Variants in CEP89 observed in about 807,000 individuals in gnomAD.
CEP89 encodes the protein centrosomal protein of 89 kDa.
Under a neutral mutation model 97.6 loss-of-function variants are expected in CEP89, and 95 were observed. The observed-to-expected ratio is 0.97, with a 90% CI of 0.82 to 1.15. CEP89 has a LOEUF of 1.15. CEP89 is among the 50% of genes most tolerant of loss of function. The probability of loss-of-function intolerance (pLI) is 0.00; values close to 1 mark genes in which losing one functional copy is unlikely to be tolerated. For synonymous variants in CEP89, 354 were observed against 349.1 expected (o/e 1.01, Z -0.16); for missense variants, 869 against 947.7 (o/e 0.92, Z 1.09).
intron 14 of CEP89, among the ~76,000 whole-genome samples, chr19:32,911,611 C>T (rs1265872013): frequency 6.6e-6 from 1 of 152,158 alleles, no homozygotes; most frequent in African/African-American, 2.4e-5. Context: ...AAGATCGTAC[C>T]ACTGCACTTC....
chr19:32,942,428 G>A (rs1481340511), intron 5 of CEP89, among the ~76,000 whole-genome samples: 6 of 152,168 alleles, frequency 3.9e-5, no homozygotes, highest in Non-Finnish European at 8.8e-5. Flanking sequence ...GAGATGCATA[G>A]GTGGACAAGT....
chr19:32,906,218 A>C (rs1236931571), intron 14 of CEP89, among the ~76,000 whole-genome samples: 1 of 152,186 alleles, frequency 6.6e-6, no homozygotes, highest in African/African-American at 2.4e-5. Context: ...GTTTGGCTTT[A>C]AATCTAACAT....
At chr19:32,948,812 C>G (rs1444894316) in intron 4 of CEP89, among the ~76,000 whole-genome samples, 1 of 152,182 alleles carries the variant, frequency 6.6e-6, no homozygotes, top group African/African-American at 2.4e-5. Context: ...GCAGCCTTGA[C>G]TTCCCACGTG....
intron 16 of CEP89, among the ~76,000 whole-genome samples, chr19:32,889,866 G>A (rs1162314816): frequency 1.3e-5 from 2 of 152,162 alleles, no homozygotes; most frequent in Non-Finnish European, 2.9e-5. Context: ...CCATGTCCCG[G>A]TGAGGAAGGC....
chr19:32,931,577 G>GA lies in CEP89; in HGVS notation c.887-7dup. 12 of 1,568,344 alleles carry GA rather than the reference G, an allele frequency of 7.7e-6. No homozygotes were observed. Among genetic ancestry groups the GA allele is most frequent in the Admixed American group, 4.4e-5 (2 of 45,594 alleles). On this transcript the variant is annotated splice_polypyrimidine_tract_variant and splice_region_variant and intron_variant, in intron 8 of 18. Transcript: ENST00000305768. ...AAGTAATTCAGGTGCAGCAACTAGGGAAAAAAATTTAATATTATACTATAA... is the reference window on the plus strand; with the variant it reads ...AAGTAATTCAGGTGCAGCAACTAGGGAAAAAAAATTTAATATTATACTATAA...
At position 32,881,975 on chromosome 19, in the gene CEP89, G is replaced by C; in HGVS notation, c.2004C>G (p.Ile668Met). The C allele has an allele frequency of 1.3e-6, 2 of 1,587,086 alleles. No homozygotes were observed. Among genetic ancestry groups the C allele is most frequent in the Non-Finnish European group, 1.7e-6 (2 of 1,166,896 alleles). ...CCTGCTGCTCCAGCAGACGGTGACT[G>C]ATGTCCCCCAGCTTCAGTGCTGCCT... ...KKQAALKLGD[I>M]SHRLLEQQED... Residue 668 changes from isoleucine (I) to methionine (M), a missense_variant, in exon 18 of 19, where the codon ATC (isoleucine) becomes ATG (methionine). Coordinates refer to ENST00000305768, the MANE Select transcript of CEP89 (RefSeq NM_032816.5).
intron 18 of CEP89, 93 bp downstream of exon 18, chr19:32,881,751 G>T: frequency 4.1e-6 from 5 of 1,224,242 alleles, no homozygotes; most frequent in South Asian, 1.5e-5. Flanking sequence ...TTAAACAATG[G>T]AACAAATAAA....
rs1969180335 is a variant in CEP89, at chr19:32,876,380, G to A, written c.*2782C>T. 2 of 152,528 alleles carry A rather than the reference G, an allele frequency of 1.3e-5. No individual in the cohort carries two copies. Among genetic ancestry groups the A allele is most frequent in the Admixed American group, 6.5e-5 (1 of 15,276 alleles). The allele number at this position is 152,528 out of a possible 1,614,324, so 9.4% of individuals were successfully genotyped here. A position where few individuals can be genotyped will look rare whatever the true frequency, so the allele number is the denominator to read the frequency against. ...TCCAATGCCGTATGAAACCTCACCAGGACCAAGAAAGAGAAGGGTTCCCTG... is the reference window on the plus strand; with the variant it reads ...TCCAATGCCGTATGAAACCTCACCAAGACCAAGAAAGAGAAGGGTTCCCTG... On this transcript the variant is annotated 3_prime_UTR_variant, in exon 19 of 19. Coordinates refer to ENST00000305768, the MANE Select transcript of CEP89 (RefSeq NM_032816.5).
At chr19:32,887,217 T>C (rs952693480) in intron 17 of CEP89, among the ~76,000 whole-genome samples, 2 of 151,386 alleles carry the variant, frequency 1.3e-5, no homozygotes, top group Non-Finnish European at 2.9e-5. Flanking sequence ...TTGTTTTGTT[T>C]TGGTTTTGGT....
At chr19:32,894,312 C>T (rs1238030104) in intron 16 of CEP89, among the ~76,000 whole-genome samples, 1 of 152,112 alleles carries the variant, frequency 6.6e-6, no homozygotes, top group African/African-American at 2.4e-5. Context: ...TTCATGTGCG[C>T]CCTTGTATGT....
In CEP89 at chr19:32,933,556, G is replaced by C. The variant is rs773406754; in HGVS notation, c.781C>G (p.Leu261Val). 3 of 1,613,050 alleles carry C rather than the reference G, an allele frequency of 1.9e-6. No homozygotes were observed. Among genetic ancestry groups the C allele is most frequent in the Non-Finnish European group, 2.5e-6 (3 of 1,179,266 alleles). Residue 261 changes from leucine (L) to valine (V), a missense_variant, in exon 8 of 19, where the codon CTA (leucine) becomes GTA (valine). Transcript: ENST00000305768. ...TTCATTGCTTGTTTCATTGTGTTTA[G>C]TTCAAGGGTAAGGCTTTGATTCATA... is the stretch of plus-strand genomic sequence containing the variant. ...NNMNQSLTLE[L>V]NTMKQAMKEL...
At chr19:32,935,981 C>T (rs1006676292) in intron 7 of CEP89, among the ~76,000 whole-genome samples, 2 of 152,166 alleles carry the variant, frequency 1.3e-5, no homozygotes, top group African/African-American at 4.8e-5. Context: ...CGGGGACAAG[C>T]GGGAGCCCTG....
intron 2 of CEP89, among the ~76,000 whole-genome samples, chr19:32,964,747 T>C (rs568800939): frequency 1.3e-5 from 2 of 152,130 alleles, no homozygotes; most frequent in East Asian, 1.9e-4. Flanking sequence ...AGATGAGAGG[T>C]TGCCTGGGGA....
intron 4 of CEP89, among the ~76,000 whole-genome samples, chr19:32,949,262 G>A (rs923270808): frequency 1.3e-5 from 2 of 152,194 alleles, no homozygotes; most frequent in Admixed American, 6.5e-5. Context: ...TTGTCCTTTA[G>A]AGAGGCCCAT....
chr19:32,918,372 T>C (rs1970175205), intron 12 of CEP89, 33 bp from the exon 13 acceptor site: 1 of 1,492,288 alleles, frequency 6.7e-7, no homozygotes, highest in Non-Finnish European at 9.4e-7. Context: ...AATACTGTGA[T>C]TCAGGTGCTG....
Position 32,926,937 on chromosome 19 carries a change from C to T in CEP89, c.1077G>A (p.Trp359Ter). 6 of 1,613,326 alleles carry T rather than the reference C, an allele frequency of 3.7e-6. No individual in the cohort carries two copies. The highest frequency in any genetic ancestry group is 5.1e-6 in the Non-Finnish European group (6 of 1,179,338). The change falls in exon 10 of 19, where the codon TGG becomes TGA. Residue 359 changes from tryptophan (W) to a stop codon, truncating the protein, a stop_gained. Coordinates refer to ENST00000305768, the MANE Select transcript of CEP89 (RefSeq NM_032816.5). LOFTEE classifies it high-confidence loss of function. ...AAATTAAATAACTTTCACTTACCAA[C>T]CAGGGTGGTATAGGGCCCTTGGATG... ...GLPSKGPIPPWLLDIKYLSPL... is the reference protein window; with the variant it reads ...GLPSKGPIPP
In CEP89 at chr19:32,953,741, G is replaced by A. The variant is rs1568578573; in HGVS notation, c.366C>T (p.Asp122=). The A allele has an allele frequency of 6.2e-7, 1 of 1,613,984 alleles. No homozygotes were observed. The highest frequency in any genetic ancestry group is 1.1e-5 in the South Asian group (1 of 91,080). ...TTTCAATGTCCTCTTCGTCCCCATA[G>A]TCCAGTGTTTCAAAGGATGGCAAAG... ...RSSLPSFETL[D]YGDEEDIETQ... Residue 122 remains aspartate, a synonymous_variant, in exon 4 of 19, where the codon GAC becomes GAT. Coordinates refer to ENST00000305768, the MANE Select transcript of CEP89 (RefSeq NM_032816.5).
chr19:32,914,652 A>G (rs1970082197), intron 14 of CEP89, among the ~76,000 whole-genome samples: 1 of 152,122 alleles, frequency 6.6e-6, no homozygotes, highest in Non-Finnish European at 1.5e-5. Context: ...ACAAACACCC[A>G]AAGTGCAGAC....
chr19:32,935,982 G>A (rs776790466), intron 7 of CEP89, among the ~76,000 whole-genome samples: 4 of 152,148 alleles, frequency 2.6e-5, no homozygotes, highest in Admixed American at 6.5e-5. Context: ...GGGGACAAGC[G>A]GGAGCCCTGC....
Sources: allele counts gnomAD v4.1 joint callset (sites outside exome capture counted in the v4.1 genomes callset), GRCh38; gene constraint gnomAD v4.1.1; transcripts MANE v1.5; gene names NCBI Gene and HGNC (gene_info 2026-07-23, HGNC 2026-07-21).